NDUFB7: variants seen among roughly 807,000 people sequenced by gnomAD.
NDUFB7 encodes NADH dehydrogenase [ubiquinone] 1 beta subcomplex subunit 7.
Under a neutral mutation model 14.7 loss-of-function variants are expected in NDUFB7, and 18 were observed. That is an observed-to-expected ratio of 1.22 (90% CI 0.85 to 1.81). NDUFB7 has a LOEUF of 1.81. NDUFB7 is among the 40% of genes most tolerant of loss of function. NDUFB7 has a pLI of 0.00. For missense variants in NDUFB7, 219 were observed against 195.0 expected, an observed-to-expected ratio of 1.12 and a Z score of -0.73; for synonymous variants, 86 against 76.1, an observed-to-expected ratio of 1.13 and a Z score of -0.68.
intron 1 of NDUFB7, among the ~76,000 whole-genome samples, chr19:14,568,137 C>T (rs751187413): frequency 4.6e-5 from 7 of 152,228 alleles, no homozygotes; most frequent in Non-Finnish European, 7.3e-5. Flanking sequence ...CCCTGTCTCC[C>T]AGGTTCAAGC....
At chr19:14,566,464 C>T (rs968011860) in intron 2 of NDUFB7, among the ~76,000 whole-genome samples, 199 bp from the exon 3 acceptor site, 1 of 151,846 alleles carries the variant, frequency 6.6e-6, no homozygotes, top group Non-Finnish European at 1.5e-5. Context: ...TTGGCCACTC[C>T]CCTAGGTGGC....
chr19:14,566,900 GC>G lies in NDUFB7; in HGVS notation c.145del (p.Ala49ArgfsTer3). The stretch of plus-strand genomic sequence containing the variant: ...GTCCCGCAGCTGGAGCCTCAGCTGC[GC>G]GTCCATCATCTCCTGCTGTGTGGCC... Reference protein sequence around the residue: ...MVATQQEMMDAQLRLQLRDYC... With the variant: ...MVATQQEMMDXQLRLQLRDYC... On this transcript the variant is annotated frameshift_variant, in exon 2 of 3. Transcript: ENST00000215565. LOFTEE classifies it high-confidence loss of function. 1.3e-6 allele frequency: 2 copies of G among 1,584,954 alleles called. No individual in the cohort carries two copies. Among genetic ancestry groups the G allele is most frequent in the Non-Finnish European group, 1.7e-6 (2 of 1,169,324 alleles).
At position 14,567,574 on chromosome 19, in the gene NDUFB7, A is replaced by G. The variant is rs2074099738; in HGVS notation, c.113-641T>C. Among the ~76,000 whole-genome samples, 2 of 151,834 alleles carry G rather than the reference A, an allele frequency of 1.3e-5. No homozygotes were observed. Among genetic ancestry groups the G allele is most frequent in the Admixed American group, 6.6e-5 (1 of 15,238 alleles). On this transcript the variant is annotated intron_variant, in intron 1 of 2. Transcript: ENST00000215565. This position sits in a 1 kb window ranked among gnomAD's most constrained non-coding sequence, Gnocchi z 5.1. ...AGCAAACCTGACTCCGGACAAATCA[A>G]CCTTCAGGAGGGGGCCGATGGGAGC...
In NDUFB7 at chr19:14,566,109, T is replaced by C; in HGVS notation, c.*24A>G. On this transcript the variant is annotated 3_prime_UTR_variant, in exon 3 of 3. Coordinates refer to ENST00000215565, the MANE Select transcript of NDUFB7 (RefSeq NM_004146.6). ...GGCCTGAAGGCTTTTATTTGACTGG[T>C]CCATAGGGTGGGGGGTGCACCCCCT... is the stretch of plus-strand genomic sequence containing the variant. 2.5e-6 allele frequency: 4 copies of C among 1,598,788 alleles called. No individual in the cohort carries two copies. Among genetic ancestry groups the C allele is most frequent in the Non-Finnish European group, 3.4e-6 (4 of 1,172,324 alleles).
At chr19:14,570,086 G>A (rs552560201) in intron 1 of NDUFB7, among the ~76,000 whole-genome samples, 3 of 152,074 alleles carry the variant, frequency 2.0e-5, no homozygotes, top group African/African-American at 2.4e-5. Context: ...GAGTAGAGAC[G>A]GGGTTTCACC....
Position 14,567,621 on chromosome 19 carries a change from C to T in NDUFB7, c.113-688G>A, listed in dbSNP as rs1349644135. Among the ~76,000 whole-genome samples, 1 of 152,044 alleles carries T rather than the reference C, an allele frequency of 6.6e-6. No individual in the cohort carries two copies. Among genetic ancestry groups the T allele is most frequent in the East Asian group, 1.9e-4 (1 of 5,188 alleles). ...GAGCATGAGGAATCCTGGACACTCA[C>T]CCCGGAGCCTGTGCCTGGCGATCCT... is the stretch of plus-strand genomic sequence containing the variant. On this transcript the variant is annotated intron_variant, in intron 1 of 2. Coordinates refer to ENST00000215565, the MANE Select transcript of NDUFB7 (RefSeq NM_004146.6). The surrounding 1 kb of genome is among the most constrained non-coding windows in gnomAD (Gnocchi z 5.1).
At chr19:14,566,304 G>A in intron 2 of NDUFB7, 39 bp from the exon 3 acceptor site, 1 of 1,612,018 alleles carries the variant, frequency 6.2e-7, no homozygotes, top group Non-Finnish European at 8.5e-7. Context: ...AGGGTCCCTG[G>A]CCAGGACACG....
chr19:14,566,616 GGGGTGCAGGCTGT>G (rs2074088388), intron 2 of NDUFB7, 136 bp downstream of exon 2: 1 of 727,928 alleles, frequency 1.4e-6, no homozygotes, highest in Middle Eastern at 4.0e-4. Context: ...AGGCCTGGGT[GGGGTGCAGGCTGT>G]GGGTGTTGGC....
intron 1 of NDUFB7, 63 bp downstream of exon 1, chr19:14,571,826 G>A: frequency 6.8e-7 from 1 of 1,478,074 alleles, no homozygotes; most frequent in Admixed American, 1.9e-5. Context: ...CAGCCCTGGG[G>A]TGCCAGGTGT....
intron 1 of NDUFB7, among the ~76,000 whole-genome samples, chr19:14,569,990 C>A (rs189760211): frequency 5.8e-4 from 87 of 150,198 alleles, no homozygotes; most frequent in Middle Eastern, 3.5e-3. Context: ...TCCTGGGTTC[C>A]AGCCAATTCT....
At chr19:14,571,274 C>T (rs2074123621) in intron 1 of NDUFB7, among the ~76,000 whole-genome samples, 2 of 152,148 alleles carry the variant, frequency 1.3e-5, no homozygotes, top group South Asian at 4.1e-4. Flanking sequence ...CGTGTCCCTG[C>T]CCTCCCATGA....
Position 14,566,742 on chromosome 19 carries a change from G to T in NDUFB7, c.281+23C>A, listed in dbSNP as rs886182123. 1.4e-5 allele frequency: 21 copies of T among 1,533,482 alleles called. 1 individual carries two copies. The African/African-American group carries it at 2.9e-4, about 21-fold the overall frequency. The allele number at this position is 1,533,482 out of a possible 1,614,324, so 95.0% of individuals were successfully genotyped here. A position where few individuals can be genotyped will look rare whatever the true frequency, so the allele number is the denominator to read the frequency against. On this transcript the variant is annotated intron_variant, in intron 2 of 2. Coordinates refer to ENST00000215565, the MANE Select transcript of NDUFB7 (RefSeq NM_004146.6). Reference sequence around the variant, plus strand: ...TGGGGTGTTGCGGGCCGGGGTGTTGGGGGCTGGTGTGGGGGTGCTCACTCG... The same window carrying T: ...TGGGGTGTTGCGGGCCGGGGTGTTGTGGGCTGGTGTGGGGGTGCTCACTCG...
In NDUFB7 at chr19:14,567,397, G is replaced by A. The variant is rs1041358099; in HGVS notation, c.113-464C>T. On this transcript the variant is annotated intron_variant, in intron 1 of 2. Coordinates refer to ENST00000215565, the MANE Select transcript of NDUFB7 (RefSeq NM_004146.6). This position sits in a 1 kb window ranked among gnomAD's most constrained non-coding sequence, Gnocchi z 5.1. ...CCCAAGGCCCAGCTCTGCACTGGCC[G>A]GCGGCGTGGCCTCTCTCTCAGCCTC... 4.7e-5 allele frequency among the ~76,000 whole-genome samples: 5 copies of A among 107,046 alleles called. No homozygotes were observed. The highest frequency in any genetic ancestry group is 1.2e-4 in the African/African-American group (3 of 25,658). 70.2% of individuals were successfully genotyped at this position (107,046 alleles called of 152,430 possible).
In NDUFB7 at chr19:14,567,043, C is replaced by T. The variant is rs930850121; in HGVS notation, c.113-110G>A. ...TCAGGAAGGCACGGCTTGGGGTGTC[C>T]CCCATTCACATCCAGATGGCAGTGG... is the stretch of plus-strand genomic sequence containing the variant. On this transcript the variant is annotated intron_variant, in intron 1 of 2. Coordinates refer to ENST00000215565, the MANE Select transcript of NDUFB7 (RefSeq NM_004146.6). This position sits in a 1 kb window ranked among gnomAD's most constrained non-coding sequence, Gnocchi z 5.1. 1.8e-6 allele frequency: 2 copies of T among 1,127,438 alleles called. No individual in the cohort carries two copies. The highest frequency in any genetic ancestry group is 1.6e-5 in the African/African-American group (1 of 64,366). 69.8% of individuals were successfully genotyped at this position (1,127,438 alleles called of 1,614,324 possible). A position where few individuals can be genotyped will look rare whatever the true frequency, so the allele number is the denominator to read the frequency against.
Position 14,566,938 on chromosome 19 carries a change from A to C in NDUFB7, c.113-5T>G. Reference sequence around the variant, plus strand: ...CCTGCTGTGTGGCCACCATCTCTGCAGGGAGTGGGCGGGGCTCAACCAGGC... The same window carrying C: ...CCTGCTGTGTGGCCACCATCTCTGCCGGGAGTGGGCGGGGCTCAACCAGGC... On this transcript the variant is annotated splice_region_variant and splice_polypyrimidine_tract_variant and intron_variant, in intron 1 of 2. Transcript: ENST00000215565. 6.3e-7 allele frequency: 1 copy of C among 1,577,372 alleles called. No homozygotes were observed. Among genetic ancestry groups the C allele is most frequent in the South Asian group, 1.1e-5 (1 of 87,426 alleles).
chr19:14,566,752 T>TG lies in NDUFB7; in HGVS notation c.281+12dup. On this transcript the variant is annotated intron_variant, in intron 2 of 2. Transcript: ENST00000215565. ...CGGGCCGGGGTGTTGGGGGCTGGTG[T>TG]GGGGGTGCTCACTCGCGGTGCTCGC... The TG allele has an allele frequency of 4.6e-6, 7 of 1,506,820 alleles. No individual in the cohort carries two copies. Among genetic ancestry groups the TG allele is most frequent in the Non-Finnish European group, 6.2e-6 (7 of 1,130,332 alleles). 93.3% of individuals were successfully genotyped at this position (1,506,820 alleles called of 1,614,324 possible).
chr19:14,568,669 G>A (rs1438425967), intron 1 of NDUFB7, among the ~76,000 whole-genome samples: 1 of 152,178 alleles, frequency 6.6e-6, no homozygotes, highest in Non-Finnish European at 1.5e-5. Context: ...GTCTGGCAGT[G>A]CTTAAGTATT....
At chr19:14,566,741 G>A in intron 2 of NDUFB7, 24 bp downstream of exon 2, 2 of 1,532,244 alleles carry the variant, frequency 1.3e-6, no homozygotes, top group South Asian at 1.2e-5. Context: ...CCGGGGTGTT[G>A]GGGGCTGGTG....
intron 1 of NDUFB7, among the ~76,000 whole-genome samples, chr19:14,568,654 A>G (rs1246068940): frequency 6.6e-6 from 1 of 152,212 alleles, no homozygotes; most frequent in Non-Finnish European, 1.5e-5. Context: ...AGAGCACCAC[A>G]GCGTGTCTGG....
Sources: allele counts gnomAD v4.1 joint callset (sites outside exome capture counted in the v4.1 genomes callset), GRCh38; gene constraint gnomAD v4.1.1; non-coding constraint Gnocchi (gnomAD v3.1); transcripts MANE v1.5; gene names NCBI Gene and HGNC (gene_info 2026-07-23, HGNC 2026-07-21).